LNX1: variants seen among roughly 807,000 people sequenced by gnomAD.
LNX1 encodes E3 ubiquitin-protein ligase LNX.
Under a neutral mutation model 68.4 loss-of-function variants are expected in LNX1, and 54 were observed. The ratio of observed to expected loss-of-function variants is 0.79; its 90% confidence interval spans 0.63 to 0.99. The LOEUF is 0.99. LNX1 is among the 50% of genes least tolerant of loss of function. The pLI is 0.00. For missense variants in LNX1, 906 were observed against 926.4 expected (o/e 0.98, Z 0.29); for synonymous variants, 336 against 350.0 (o/e 0.96, Z 0.45).
intron 2 of LNX1, among the ~76,000 whole-genome samples, chr4:53,526,506 G>C (rs1264796559): frequency 6.6e-6 from 1 of 152,000 alleles, no homozygotes; most frequent in Non-Finnish European, 1.5e-5. Context: ...AGCTGGTAAA[G>C]ATAAAGTAAG....
intron 1 of LNX1, among the ~76,000 whole-genome samples, chr4:53,623,334 G>A: frequency 6.6e-6 from 1 of 151,656 alleles, no homozygotes; most frequent in Non-Finnish European, 1.5e-5. Flanking sequence ...TTACCAAGTA[G>A]CTGGGACCCA....
intron 2 of LNX1, among the ~76,000 whole-genome samples, chr4:53,607,809 G>C (rs941443105): frequency 2.6e-5 from 4 of 152,004 alleles, no homozygotes; most frequent in African/African-American, 9.7e-5. Context: ...CAGAAGTAAT[G>C]TTGCACATTT....
chr4:53,522,395 C>T (rs1727289962), intron 2 of LNX1, among the ~76,000 whole-genome samples: 1 of 152,158 alleles, frequency 6.6e-6, no homozygotes. Context: ...TGTAAGGCAC[C>T]AGGCTTGGTG....
upstream of LNX1, among the ~76,000 whole-genome samples, chr4:53,618,895 T>C (rs2590818): frequency 0.42 from 63,507 of 151,996 alleles, 13,281 homozygotes; most frequent in Admixed American, 0.45. Flanking sequence ...GCACAGCTCC[T>C]TTTGTTTTTT....
At position 53,648,714 on chromosome 4, in the gene LNX1, G is replaced by A. The variant is rs78996218; in HGVS notation, c.-215+3454C>T. 7.1e-3 allele frequency among the ~76,000 whole-genome samples: 1,088 copies of A among 152,272 alleles called. 12 individuals are homozygous for A. Among genetic ancestry groups the A allele is most frequent in the African/African-American group, 0.025 (1,022 of 41,552 alleles). On this transcript the variant is annotated intron_variant, in intron 1 of 2. Coordinates refer to the LNX1 transcript ENST00000507168. ...CCTCACAGCTCCAACAATGGGGGCT[G>A]AAAGGCCACTGGAGAAAGGCCACTA...
intron 2 of LNX1, among the ~76,000 whole-genome samples, chr4:53,561,048 C>CTTCTT (rs1284532097): frequency 6.6e-6 from 1 of 152,114 alleles, no homozygotes; most frequent in Non-Finnish European, 1.5e-5. Context: ...TATTTTCTTG[C>CTTCTT]TTCTTTTCTT....
chr4:53,629,972 A>C (rs1734209653), intron 1 of LNX1, among the ~76,000 whole-genome samples: 2 of 151,948 alleles, frequency 1.3e-5, no homozygotes, highest in African/African-American at 4.8e-5. Flanking sequence ...CAAAATCTCC[A>C]CCTTGTACCT....
intron 6 of LNX1, among the ~76,000 whole-genome samples, chr4:53,492,072 C>T (rs1724723174): frequency 1.3e-5 from 2 of 152,296 alleles, no homozygotes; most frequent in South Asian, 4.1e-4. Context: ...CAGGCATGAG[C>T]CACTGCGCTT....
upstream of LNX1, among the ~76,000 whole-genome samples, chr4:53,593,612 T>A (rs1473463005): frequency 6.6e-6 from 1 of 152,084 alleles, no homozygotes; most frequent in Non-Finnish European, 1.5e-5. Flanking sequence ...TCAGGTGAGA[T>A]CTTTCTTGGT....
chr4:53,624,003 C>T (rs1188743888), intron 1 of LNX1, among the ~76,000 whole-genome samples: 1 of 152,160 alleles, frequency 6.6e-6, no homozygotes, highest in African/African-American at 2.4e-5. Context: ...TTTTGTGATG[C>T]TGGGTTTTCA....
intron 2 of LNX1, among the ~76,000 whole-genome samples, chr4:53,570,981 C>G (rs1251084734): frequency 2.7e-5 from 4 of 150,892 alleles, no homozygotes; most frequent in Non-Finnish European, 5.9e-5. Context: ...GAGCAGAGAT[C>G]GCGCCACTGC....
At chr4:53,579,548 C>T (rs6826933) in intron 1 of LNX1, among the ~76,000 whole-genome samples, 40,943 of 151,908 alleles carry the variant, frequency 0.27, 5,630 homozygotes, top group Admixed American at 0.31. Context: ...TCCTGGATGA[C>T]AATAAAGACA....
At chr4:53,583,711 G>A (rs111404799) in intron 1 of LNX1, among the ~76,000 whole-genome samples, 9 of 152,258 alleles carry the variant, frequency 5.9e-5, no homozygotes, top group South Asian at 2.1e-4. Context: ...GTGGTTAAGC[G>A]AAAAGAGTCC....
rs143086522 is a variant in LNX1 at position 53,641,686 on chromosome 4, C to T, written c.-215+10482G>A. On this transcript the variant is annotated intron_variant, in intron 1 of 2. Coordinates refer to the LNX1 transcript ENST00000507168. ...CTTTGTAATCTCTCCCTCTCACTCC[C>T]CATTCACCAGGTCCCCAGGCAAGTA... Among the ~76,000 whole-genome samples the T allele has an allele frequency of 2.4e-4, 36 of 152,330 alleles. No individual in the cohort carries two copies. In the East Asian group the frequency reaches 6.9e-3, roughly 29 times the overall value.
At chr4:53,476,657 T>C in intron 9 of LNX1, 96 bp downstream of exon 9, 1 of 1,006,178 alleles carries the variant, frequency 9.9e-7, no homozygotes, top group Non-Finnish European at 1.6e-6. Context: ...ATTAAGATGC[T>C]AGTGCCATGA....
intron 2 of LNX1, among the ~76,000 whole-genome samples, chr4:53,509,803 G>C (rs956127656): frequency 7.9e-5 from 12 of 152,268 alleles, no homozygotes; most frequent in Middle Eastern, 3.4e-3. Context: ...TGAAGTTTCT[G>C]TTGCCAGGTG....
intron 1 of LNX1, among the ~76,000 whole-genome samples, chr4:53,579,469 C>T (rs1731697664): frequency 6.6e-6 from 1 of 152,112 alleles, no homozygotes; most frequent in South Asian, 2.1e-4. Context: ...TGCTTCCTTT[C>T]CTATGATTTT....
chr4:53,576,997 A>C (rs1731533160), intron 1 of LNX1, among the ~76,000 whole-genome samples: 1 of 152,246 alleles, frequency 6.6e-6, no homozygotes, highest in Non-Finnish European at 1.5e-5. Flanking sequence ...TAATATAAAA[A>C]CATTTAGAAA....
chr4:53,490,095 TC>T (rs34572777), intron 6 of LNX1, among the ~76,000 whole-genome samples: 56,911 of 151,654 alleles, frequency 0.38, 11,045 homozygotes, highest in South Asian at 0.59. Context: ...TGTCAAATGT[TC>T]TTTGATGAAA....
Sources: gnomAD v4.1 joint callset for allele counts (sites outside exome capture counted in the v4.1 genomes callset) on GRCh38, gnomAD v4.1.1 for gene constraint, MANE v1.5 for transcripts, NCBI Gene and HGNC (gene_info 2026-07-23, HGNC 2026-07-21) for gene names.